The following IGF2BP2 variants were observed in gnomAD, a reference collection of about 807,000 sequenced individuals.
IGF2BP2 encodes the protein insulin-like growth factor 2 mRNA-binding protein 2.
Under a neutral mutation model 75.8 loss-of-function variants are expected in IGF2BP2, and 17 were observed. The observed-to-expected ratio is 0.22, with a 90% CI of 0.15 to 0.34. IGF2BP2 has a LOEUF of 0.34. Among genes scored for constraint, IGF2BP2 ranks in the 10% least tolerant of loss-of-function variants. The probability of loss-of-function intolerance (pLI) is 1.00; values close to 1 mark genes in which losing one functional copy is unlikely to be tolerated. For missense variants in IGF2BP2, 516 were observed against 772.4 expected (o/e 0.67, Z 3.93); for synonymous variants, 288 against 295.6 (o/e 0.97, Z 0.26).
intron 2 of IGF2BP2, among the ~76,000 whole-genome samples, chr3:185,797,897 T>TA (rs35850351): frequency 0.026 from 2,391 of 90,304 alleles, 60 homozygotes; most frequent in African/African-American, 0.079. Context: ...CCCTGTCTCT[T>TA]AAAAAAAAAA....
rs1161885835 is a variant in IGF2BP2, at chr3:185,645,425, A to G, written c.*106T>C. The stretch of plus-strand genomic sequence containing the variant: ...CCTCCGCAGACTTCTCATTCCTCAG[A>G]TGGTCTTTGGTTTGCTCCCGATCTG... On this transcript the variant is annotated 3_prime_UTR_variant, in exon 16 of 16. Transcript: ENST00000382199. The surrounding 1 kb of genome is among the most constrained non-coding windows in gnomAD (Gnocchi z 4.9). The G allele has an allele frequency of 2.6e-6, 2 of 775,736 alleles. No individual in the cohort carries two copies. Among genetic ancestry groups the G allele is most frequent in the African/African-American group, 3.4e-5 (2 of 58,122 alleles). The allele number at this position is 775,736 out of a possible 1,614,324, so 48.1% of individuals were successfully genotyped here.
intron 2 of IGF2BP2, among the ~76,000 whole-genome samples, chr3:185,742,033 T>C (rs1378708045): frequency 6.6e-6 from 1 of 152,178 alleles, no homozygotes; most frequent in African/African-American, 2.4e-5. Flanking sequence ...TTCCATTAGT[T>C]TTCCATAGCT....
intron 2 of IGF2BP2, among the ~76,000 whole-genome samples, chr3:185,768,940 T>C (rs146666360): frequency 0.056 from 8,474 of 152,248 alleles, 337 homozygotes; most frequent in Middle Eastern, 0.13. Flanking sequence ...GACAGGAGAA[T>C]TGCTTGAACC....
intron 6 of IGF2BP2, among the ~76,000 whole-genome samples, chr3:185,687,882 T>C (rs573049332): frequency 1.3e-5 from 2 of 152,306 alleles, no homozygotes; most frequent in East Asian, 1.9e-4. Flanking sequence ...GTCTAAAAAA[T>C]GGGCACACAC....
chr3:185,716,546 G>A lies in IGF2BP2; in HGVS notation c.240-18199C>T, dbSNP rs752944699. On this transcript the variant is annotated intron_variant, in intron 2 of 15. Transcript: ENST00000382199. ...CTTTATCCTGTAGCCCTCCTCAGAT[G>A]CCAAGACTGCTGGGCTGGCCACCAG... 3 of 520,130 alleles carry A rather than the reference G, an allele frequency of 5.8e-6. No homozygotes were observed. In the East Asian group the frequency reaches 1.6e-4, roughly 28 times the overall value. The allele number at this position is 520,130 out of a possible 1,614,324, so 32.2% of individuals were successfully genotyped here.
Position 185,689,579 on chromosome 3 carries a change from C to T in IGF2BP2, c.453G>A (p.Lys151=). 6.2e-7 allele frequency: 1 copy of T among 1,614,226 alleles called. No individual in the cohort carries two copies. Among genetic ancestry groups the T allele is most frequent in the Non-Finnish European group, 8.5e-7 (1 of 1,180,028 alleles). ...CCTCTTCATCCGGGATGTAGGAAAT[C>T]TTGAAGGAGTAGTTCTCAAACTGAT... is the stretch of plus-strand genomic sequence containing the variant. ...SGHQFENYSF[K]ISYIPDEEVS... The change falls in exon 6 of 16, where the codon AAG becomes AAA. Residue 151 remains lysine, a synonymous_variant. Transcript: ENST00000382199.
rs1178673063 is a variant in IGF2BP2 at position 185,665,254 on chromosome 3, A to AAGG, written c.1201-6848_1201-6846dup. 8.9e-4 allele frequency among the ~76,000 whole-genome samples: 102 copies of AAGG among 114,930 alleles called. 6 individuals are homozygous for AAGG. Among genetic ancestry groups the AAGG allele is most frequent in the Admixed American group, 8.1e-3 (93 of 11,472 alleles). The allele number at this position is 114,930 out of a possible 152,430, so 75.4% of individuals were successfully genotyped here. Reference sequence around the variant, plus strand: ...GGAGGAGGAGAAGGAGAAGAAGGAGAAGGAGGAGGAGGAGGAGGAGAAGGA... The same window carrying AAGG: ...GGAGGAGGAGAAGGAGAAGAAGGAGAAGGAGGAGGAGGAGGAGGAGGAGAAGGA... On this transcript the variant is annotated intron_variant, in intron 10 of 15. Coordinates refer to ENST00000382199, the MANE Select transcript of IGF2BP2 (RefSeq NM_006548.6).
At position 185,810,067 on chromosome 3, in the gene IGF2BP2, C is replaced by T. The variant is rs1421250461; in HGVS notation, c.239+13086G>A. On this transcript the variant is annotated intron_variant, in intron 2 of 15. Transcript: ENST00000382199. ...GCTCCTGTGTGCCACTCTTCTATGC[C>T]CTACCATCTATGATTTGCTAACCTA... 2.0e-5 allele frequency among the ~76,000 whole-genome samples: 3 copies of T among 152,180 alleles called. No homozygotes were observed. In the East Asian group the frequency reaches 5.8e-4, roughly 29 times the overall value.
intron 5 of IGF2BP2, among the ~76,000 whole-genome samples, chr3:185,690,911 C>G (rs574021954): frequency 5.3e-5 from 8 of 152,194 alleles, no homozygotes; most frequent in African/African-American, 1.9e-4. Context: ...AGGTTAATGT[C>G]TAGGACTTGT....
chr3:185,786,834 G>C (rs1735961635), intron 2 of IGF2BP2, among the ~76,000 whole-genome samples: 1 of 152,046 alleles, frequency 6.6e-6, no homozygotes, highest in South Asian at 2.1e-4. Flanking sequence ...CTACAGCAGG[G>C]GTCAGAAAAC....
At chr3:185,654,331 C>T (rs1389970809) in intron 12 of IGF2BP2, among the ~76,000 whole-genome samples, 4 of 152,212 alleles carry the variant, frequency 2.6e-5, no homozygotes, top group Admixed American at 2.6e-4. Context: ...ATTGAGACTT[C>T]TGGCAGGATC....
chr3:185,649,616 G>C, intron 13 of IGF2BP2, 82 bp from the exon 14 acceptor site: 1 of 1,564,240 alleles, frequency 6.4e-7, no homozygotes, highest in Non-Finnish European at 8.7e-7. Flanking sequence ...GCACTGGAGA[G>C]TCCAGACAAT....
chr3:185,674,336 G>C (rs1718973609), intron 9 of IGF2BP2, among the ~76,000 whole-genome samples: 1 of 152,116 alleles, frequency 6.6e-6, no homozygotes, highest in Non-Finnish European at 1.5e-5. Flanking sequence ...GGACTTATTG[G>C]AGCATCCATT....
At chr3:185,716,336 G>A (rs1286904020) in intron 2 of IGF2BP2, 1 of 415,654 alleles carries the variant, frequency 2.4e-6, no homozygotes, top group African/African-American at 2.1e-5. Context: ...AATAAACACT[G>A]ACGTAACTGA....
intron 2 of IGF2BP2, among the ~76,000 whole-genome samples, chr3:185,776,047 G>A (rs1056342727): frequency 6.6e-6 from 1 of 152,008 alleles, no homozygotes; most frequent in Non-Finnish European, 1.5e-5. Context: ...AGTTTGAGAC[G>A]AACCTGGACA....
Position 185,649,383 on chromosome 3 carries a change from C to T in IGF2BP2, c.1593+20G>A, listed in dbSNP as rs779913085. On this transcript the variant is annotated intron_variant, in intron 14 of 15. Coordinates refer to ENST00000382199, the MANE Select transcript of IGF2BP2 (RefSeq NM_006548.6). ...GGGGAATCTGACCCAGGTGATGAAG[C>T]GAGCCCGGAGCACACTTACGGTCTT... 17 of 1,610,906 alleles carry T rather than the reference C, an allele frequency of 1.1e-5. No individual in the cohort carries two copies. The highest frequency in any genetic ancestry group is 6.6e-5 in the South Asian group (6 of 90,820).
chr3:185,719,551 A>G (rs1242156824), intron 2 of IGF2BP2, among the ~76,000 whole-genome samples: 1 of 152,098 alleles, frequency 6.6e-6, no homozygotes, highest in Non-Finnish European at 1.5e-5. Context: ...ATTGGAGTAC[A>G]GGCTGGGTGT....
At chr3:185,797,104 T>C (rs1324017130) in intron 2 of IGF2BP2, among the ~76,000 whole-genome samples, 1 of 152,116 alleles carries the variant, frequency 6.6e-6, no homozygotes, top group African/African-American at 2.4e-5. Context: ...AAGCAGGCTT[T>C]CTACTCCAGG....
At chr3:185,799,019 T>G (rs73061095) in intron 2 of IGF2BP2, among the ~76,000 whole-genome samples, 67,826 of 151,112 alleles carry the variant, frequency 0.45, 18,241 homozygotes, top group African/African-American at 0.77. Flanking sequence ...CAAGTGATCT[T>G]CCCGCCTCAG....
Sources: gnomAD v4.1 joint callset for allele counts (sites outside exome capture counted in the v4.1 genomes callset) on GRCh38, gnomAD v4.1.1 for gene constraint, Gnocchi (gnomAD v3.1) non-coding constraint, MANE v1.5 for transcripts, NCBI Gene and HGNC (gene_info 2026-07-23, HGNC 2026-07-21) for gene names.